Variants in PIGU observed in about 807,000 individuals in gnomAD.
The protein encoded by PIGU is GPI-anchor transamidase component PIGU.
Under a neutral mutation model 49.9 loss-of-function variants are expected in PIGU, and 24 were observed. That is an observed-to-expected ratio of 0.48 (90% CI 0.35 to 0.68). The LOEUF is 0.68. Ranked by LOEUF, PIGU falls within the 30% of genes least tolerant of loss-of-function variation. PIGU has a pLI of 0.01. For synonymous variants in PIGU, 220 were observed against 205.7 expected (o/e 1.07, Z -0.59); for missense variants, 490 against 532.6 (o/e 0.92, Z 0.79).
chr20:34,630,604 T>G (rs867869678), intron 6 of PIGU, among the ~76,000 whole-genome samples: 1 of 152,214 alleles, frequency 6.6e-6, no homozygotes, highest in East Asian at 1.9e-4. Context: ...GCCCTGCCCA[T>G]GCACGGAGTC....
At chr20:34,628,708 G>A (rs574157696) in intron 6 of PIGU, among the ~76,000 whole-genome samples, 12 of 152,128 alleles carry the variant, frequency 7.9e-5, no homozygotes, top group East Asian at 7.7e-4. Flanking sequence ...AAAATTAGCC[G>A]GGCATGGTGG....
At chr20:34,579,342 A>T (rs542128732) in intron 10 of PIGU, 1 of 152,174 alleles carries the variant, frequency 6.6e-6, no homozygotes, top group South Asian at 2.1e-4. Flanking sequence ...CAGAGAGTCC[A>T]GCGTCTGGGA....
At chr20:34,646,583 A>AT (rs1321829975) in intron 2 of PIGU, among the ~76,000 whole-genome samples, 2 of 147,128 alleles carry the variant, frequency 1.4e-5, no homozygotes. Flanking sequence ...TAATTTTTGT[A>AT]TTTTTAGTAG....
chr20:34,587,267 T>G (rs776411510), intron 8 of PIGU, among the ~76,000 whole-genome samples: 13 of 152,222 alleles, frequency 8.5e-5, no homozygotes, highest in Non-Finnish European at 1.8e-4. Context: ...ACCGCTGCTA[T>G]TTAATATAAA....
At chr20:34,615,974 C>T in intron 7 of PIGU, 68 bp downstream of exon 7, 1 of 1,528,504 alleles carries the variant, frequency 6.5e-7, no homozygotes, top group South Asian at 1.3e-5. Flanking sequence ...CCTTCCTTTC[C>T]CCCAGCAGGG....
intron 11 of PIGU, chr20:34,562,673 AC>A: frequency 1.2e-6 from 1 of 864,186 alleles, no homozygotes; most frequent in Non-Finnish European, 1.7e-6. Flanking sequence ...ATGGCCATGG[AC>A]CCAGAAAGGT....
Position 34,588,469 on chromosome 20 carries a change from C to A in PIGU, c.766G>T (p.Ala256Ser), listed in dbSNP as rs528424644. 1.9e-6 allele frequency: 3 copies of A among 1,613,684 alleles called. No individual in the cohort carries two copies. The highest frequency in any genetic ancestry group is 4.5e-5 in the East Asian group (2 of 44,862). The change falls in exon 8 of 12, where the codon GCA (alanine) becomes TCA (serine). Residue 256 changes from alanine to serine, a missense_variant. Transcript: ENST00000217446. ...FLLSSWDFIP[A>S]VYGFILSVPD... ...ATTACTTACATAAAGCCATAGACTGCGGGGATGAAATCCCAAGAGCTGAGA... is the reference window on the plus strand; with the variant it reads ...ATTACTTACATAAAGCCATAGACTGAGGGGATGAAATCCCAAGAGCTGAGA...
intron 9 of PIGU, among the ~76,000 whole-genome samples, chr20:34,583,376 G>A (rs1983564689): frequency 6.6e-6 from 1 of 152,202 alleles, no homozygotes; most frequent in Admixed American, 6.5e-5. Context: ...GGACTGGGGT[G>A]GCCTGAAGGG....
chr20:34,647,274 TTTTG>T (rs1229823380), intron 2 of PIGU, among the ~76,000 whole-genome samples: 2 of 148,380 alleles, frequency 1.3e-5, no homozygotes, highest in Admixed American at 1.4e-4. Context: ...CCCGGCCGTT[TTTTG>T]TTTGTTTGAG....
chr20:34,591,031 G>GAAA (rs567508712), intron 7 of PIGU, among the ~76,000 whole-genome samples: 64 of 129,024 alleles, frequency 5.0e-4, no homozygotes, highest in African/African-American at 1.6e-3. Context: ...GAAAAAAAGA[G>GAAA]AAAAAAAAAT....
chr20:34,581,336 G>C (rs1456912274), intron 10 of PIGU, among the ~76,000 whole-genome samples: 1 of 152,186 alleles, frequency 6.6e-6, no homozygotes, highest in Non-Finnish European at 1.5e-5. Flanking sequence ...CAGTGGCCAG[G>C]TACACAGTAA....
chr20:34,656,658 A>T (rs1423824015), intron 2 of PIGU, among the ~76,000 whole-genome samples: 1 of 151,622 alleles, frequency 6.6e-6, no homozygotes, highest in Non-Finnish European at 1.5e-5. Flanking sequence ...GGTCCCTACT[A>T]AGGAGGCTCA....
intron 1 of PIGU, among the ~76,000 whole-genome samples, chr20:34,662,238 A>G (rs1017676316): frequency 6.6e-6 from 1 of 151,720 alleles, no homozygotes; most frequent in Non-Finnish European, 1.5e-5. Flanking sequence ...ATGCCTGGCT[A>G]ATTTTTGTAT....
In PIGU at chr20:34,575,087, C is replaced by T. The variant is rs766505536; in HGVS notation, c.1194+17G>A. The T allele has an allele frequency of 5.6e-6, 9 of 1,613,352 alleles. No individual in the cohort carries two copies. Among genetic ancestry groups the T allele is most frequent in the Non-Finnish European group, 6.8e-6 (8 of 1,179,428 alleles). Reference sequence around the variant, plus strand: ...GAATTCCTGTCCCCAAGCTGACCCCCATGCTGTCCCTCTTACCTGCCCAAC... The same window carrying T: ...GAATTCCTGTCCCCAAGCTGACCCCTATGCTGTCCCTCTTACCTGCCCAAC... On this transcript the variant is annotated intron_variant, in intron 11 of 11. Transcript: ENST00000217446.
intron 7 of PIGU, among the ~76,000 whole-genome samples, chr20:34,611,668 C>CAA (rs149027105): frequency 1.3e-3 from 138 of 106,460 alleles, no homozygotes; most frequent in Admixed American, 3.8e-3. Context: ...AAAAAAAAGA[C>CAA]AAAAAAAAAA....
intron 5 of PIGU, among the ~76,000 whole-genome samples, chr20:34,635,972 C>T (rs1333514939): frequency 6.6e-6 from 1 of 151,798 alleles, no homozygotes; most frequent in African/African-American, 2.4e-5. Context: ...GTGGGTGGAT[C>T]ACTTGAGCTC....
chr20:34,629,800 CAT>C (rs1356249304), intron 6 of PIGU, among the ~76,000 whole-genome samples: 3 of 152,144 alleles, frequency 2.0e-5, no homozygotes, highest in Admixed American at 6.5e-5. Context: ...AGATTGATCA[CAT>C]GTGTTTATCA....
intron 2 of PIGU, among the ~76,000 whole-genome samples, chr20:34,648,654 C>A (rs992961809): frequency 6.6e-6 from 1 of 151,712 alleles, no homozygotes; most frequent in East Asian, 1.9e-4. Context: ...ACTCAGGTGA[C>A]CCCCCTACCT....
At chr20:34,665,801 C>G (rs891877782) in intron 1 of PIGU, among the ~76,000 whole-genome samples, 5 of 152,056 alleles carry the variant, frequency 3.3e-5, no homozygotes, top group African/African-American at 9.7e-5. Context: ...ATCTAAGGCA[C>G]ATAAAACATA....
Sources: allele counts gnomAD v4.1 joint callset (sites outside exome capture counted in the v4.1 genomes callset), GRCh38; gene constraint gnomAD v4.1.1; transcripts MANE v1.5; gene names NCBI Gene and HGNC (gene_info 2026-07-23, HGNC 2026-07-21).